XIRP2: variants seen among roughly 807,000 people sequenced by gnomAD.
The protein encoded by XIRP2 is xin actin-binding repeat-containing protein 2.
A neutral mutation model predicts 277.0 loss-of-function variants in XIRP2; 236 were observed. The observed-to-expected ratio is 0.85, with a 90% CI of 0.77 to 0.95. The LOEUF (loss-of-function observed/expected upper bound fraction) is 0.95. Ranked by LOEUF, XIRP2 falls within the 40% of genes least tolerant of loss-of-function variation. The pLI, the probability that XIRP2 is intolerant of heterozygous loss-of-function variation, is 0.00. For missense variants in XIRP2, 4,640 were observed against 4,157.5 expected (o/e 1.12, Z -3.19); for synonymous variants, 1,490 against 1,416.5 (o/e 1.05, Z -1.17).
chr2:167,215,426 T>C (rs1257991671), intron 4 of XIRP2, among the ~76,000 whole-genome samples: 1 of 152,198 alleles, frequency 6.6e-6, no homozygotes, highest in East Asian at 1.9e-4. Flanking sequence ...AAGCAACAAC[T>C]TGAGTACTTG....
chr2:167,239,915 G>T lies in XIRP2; in HGVS notation c.919G>T (p.Glu307Ter). 1 of 1,607,396 alleles carries T rather than the reference G, an allele frequency of 6.2e-7. No individual in the cohort carries two copies. Among genetic ancestry groups the T allele is most frequent in the South Asian group, 1.1e-5 (1 of 89,152 alleles). ...SRSSQEMARNEQEGSKVQKID... is the reference protein window; with the variant it reads ...SRSSQEMARN ...AAGCAGCCAGGAAATGGCAAGAAAT[G>T]AACAAGAAGGGTCCAAAGTACAGAA... The change falls in exon 6 of 11, where the codon GAA becomes TAA. Residue 307 changes from glutamate (E) to a stop codon, truncating the protein, a stop_gained. Coordinates refer to ENST00000409195, the MANE Select transcript of XIRP2 (RefSeq NM_152381.6). LOFTEE classifies it high-confidence loss of function.
In XIRP2 at chr2:166,903,824, T is replaced by C. The variant is rs1684448140; in HGVS notation, c.342T>C (p.Leu114=). 1 of 1,613,550 alleles carries C rather than the reference T, an allele frequency of 6.2e-7. No homozygotes were observed. Among genetic ancestry groups the C allele is most frequent in the South Asian group, 1.1e-5 (1 of 91,084 alleles). Residue 114 remains leucine (L), a synonymous_variant, in exon 2 of 11, where the codon CTT becomes CTC. Coordinates refer to ENST00000409195, the MANE Select transcript of XIRP2 (RefSeq NM_152381.6). The part of the protein sequence containing the change: ...RRRIERFSIA[L]DELRSVFEAP... ...GGATTGAACGCTTTTCCATTGCCCT[T>C]GATGAGCTGAGGAGTGTGTTTGAGG...
At chr2:167,145,457 C>T (rs1691838766) in intron 3 of XIRP2, among the ~76,000 whole-genome samples, 1 of 152,110 alleles carries the variant, frequency 6.6e-6, no homozygotes, top group Non-Finnish European at 1.5e-5. Flanking sequence ...TAGTAGGAGC[C>T]TTCAAATTAA....
At chr2:167,037,518 GGT>G (rs59857626) in intron 2 of XIRP2, among the ~76,000 whole-genome samples, 6,111 of 126,208 alleles carry the variant, frequency 0.048, 231 homozygotes, top group African/African-American at 0.12. Context: ...TCATGTGGGG[GGT>G]GTGTGTGTGT....
intron 3 of XIRP2, among the ~76,000 whole-genome samples, chr2:167,144,991 T>G (rs1433867823): frequency 6.6e-6 from 1 of 152,180 alleles, no homozygotes; most frequent in African/African-American, 2.4e-5. Flanking sequence ...TCTTGATGGT[T>G]TGCTGTGGAT....
intron 2 of XIRP2, among the ~76,000 whole-genome samples, chr2:166,951,365 C>G (rs1006332848): frequency 6.6e-6 from 1 of 151,632 alleles, no homozygotes; most frequent in Non-Finnish European, 1.5e-5. Context: ...AAAGAGGGAA[C>G]AAGCATGTCA....
At chr2:166,948,586 G>A (rs114484731) in intron 2 of XIRP2, among the ~76,000 whole-genome samples, 11,894 of 152,002 alleles carry the variant, frequency 0.078, 527 homozygotes, top group East Asian at 0.11. Flanking sequence ...ACAGATAATG[G>A]TACTAAGGTT....
At chr2:167,222,200 A>G (rs1046907144) in intron 5 of XIRP2, among the ~76,000 whole-genome samples, 1 of 152,234 alleles carries the variant, frequency 6.6e-6, no homozygotes, top group Non-Finnish European at 1.5e-5. Context: ...TATGCCAGAC[A>G]TTTTAAACTT....
chr2:166,923,949 A>G (rs538974038), intron 2 of XIRP2, among the ~76,000 whole-genome samples: 1 of 152,182 alleles, frequency 6.6e-6, no homozygotes, highest in South Asian at 2.1e-4. Context: ...CTCCTGAGTG[A>G]TTTAAGAAGA....
At chr2:167,003,305 C>T (rs1313425620) in intron 2 of XIRP2, among the ~76,000 whole-genome samples, 1 of 151,562 alleles carries the variant, frequency 6.6e-6, no homozygotes, top group Non-Finnish European at 1.5e-5. Flanking sequence ...AATATAAAAA[C>T]CTAATTAGAA....
intron 2 of XIRP2, among the ~76,000 whole-genome samples, chr2:167,066,652 C>G (rs1423962736): frequency 6.6e-6 from 1 of 151,964 alleles, no homozygotes; most frequent in Non-Finnish European, 1.5e-5. Flanking sequence ...ATCAGGATGT[C>G]AAAGGAGTAT....
rs542489483 is a variant in XIRP2 at position 167,235,194 on chromosome 2, G to C, written c.859-4661G>C. On this transcript the variant is annotated intron_variant, in intron 5 of 10. Transcript: ENST00000409195. Reference sequence around the variant, plus strand: ...GTACAGACTTCTTCTTGCTCTGATGGTGTCAGCTACCCTTTACAGCATCAC... The same window carrying C: ...GTACAGACTTCTTCTTGCTCTGATGCTGTCAGCTACCCTTTACAGCATCAC... Among the ~76,000 whole-genome samples, 260 of 151,776 alleles carry C rather than the reference G, an allele frequency of 1.7e-3. 1 individual carries two copies. Among genetic ancestry groups the C allele is most frequent in the Non-Finnish European group, 3.0e-3 (203 of 67,738 alleles).
rs1367628896 is a variant in XIRP2, at chr2:166,903,878, G to A, written c.396G>A (p.Glu132=). ...CTAAGAGTGGAAACAAACCAGCTGA[G>A]TACGGTGGAAAGGTAAGGAGCCATT... ...EAPKSGNKPA[E]YGGKEVEIER... Residue 132 remains glutamate (E), a synonymous_variant, in exon 2 of 11, where the codon GAG becomes GAA. Transcript: ENST00000409195. 2 of 1,612,482 alleles carry A rather than the reference G, an allele frequency of 1.2e-6. No individual in the cohort carries two copies. Among genetic ancestry groups the A allele is most frequent in the Non-Finnish European group, 1.7e-6 (2 of 1,178,942 alleles).
chr2:167,095,131 A>G (rs1690263796), intron 2 of XIRP2, among the ~76,000 whole-genome samples: 1 of 152,120 alleles, frequency 6.6e-6, no homozygotes, highest in African/African-American at 2.4e-5. Context: ...TTATTGATGT[A>G]TAGGAATGCT....
At chr2:166,913,315 C>CA (rs1430611156) in intron 2 of XIRP2, among the ~76,000 whole-genome samples, 1 of 130,434 alleles carries the variant, frequency 7.7e-6, no homozygotes, top group Non-Finnish European at 1.7e-5. Context: ...TGGGCACCCC[C>CA]CCCCCCCAGC....
chr2:167,143,036 T>A (rs571392572), intron 3 of XIRP2, among the ~76,000 whole-genome samples: 1 of 152,320 alleles, frequency 6.6e-6, no homozygotes, highest in Non-Finnish European at 1.5e-5. Flanking sequence ...AGCAGTTTTA[T>A]GAAGCTTTTG....
chr2:166,942,476 C>T (rs137877672), intron 2 of XIRP2, among the ~76,000 whole-genome samples: 3 of 152,168 alleles, frequency 2.0e-5, no homozygotes, highest in African/African-American at 2.4e-5. Context: ...TTTGCAACTG[C>T]GGGCAGTCCA....
At chr2:166,953,955 G>A (rs895067425) in intron 2 of XIRP2, among the ~76,000 whole-genome samples, 1 of 151,830 alleles carries the variant, frequency 6.6e-6, no homozygotes, top group Admixed American at 6.6e-5. Context: ...ATTTTTCTAA[G>A]TTGAGATATA....
At chr2:167,001,155 A>G (rs1006907269) in intron 2 of XIRP2, among the ~76,000 whole-genome samples, 5 of 152,144 alleles carry the variant, frequency 3.3e-5, no homozygotes, top group African/African-American at 4.8e-5. Context: ...GGATGATTTA[A>G]TGTTACCGAT....
Sources: gnomAD v4.1 joint callset for allele counts (sites outside exome capture counted in the v4.1 genomes callset) on GRCh38, gnomAD v4.1.1 for gene constraint, MANE v1.5 for transcripts, NCBI Gene and HGNC (gene_info 2026-07-23, HGNC 2026-07-21) for gene names.